The following LRP12 variants were observed in gnomAD, a reference collection of about 807,000 sequenced individuals.
The protein encoded by LRP12 is low-density lipoprotein receptor-related protein 12.
In LRP12, 14 loss-of-function variants were observed where a neutral mutation model predicts 66.0. The observed-to-expected ratio is 0.21, with a 90% CI of 0.14 to 0.33. The LOEUF is 0.33. LRP12 is among the 10% of genes least tolerant of loss of function. The pLI, the probability that LRP12 is intolerant of heterozygous loss-of-function variation, is 1.00. For synonymous variants in LRP12, 357 were observed against 359.1 expected (o/e 0.99, Z 0.07); for missense variants, 889 against 1,053.4 (o/e 0.84, Z 2.16).
intron 5 of LRP12, chr8:104,495,700 A>C (rs1352979802): frequency 1.3e-5 from 2 of 152,552 alleles, no homozygotes; most frequent in Non-Finnish European, 2.9e-5. Context: ...AGGCGGGTGG[A>C]TCACGAGGTC....
chr8:104,508,777 G>A (rs1810945574), intron 3 of LRP12, 162 bp downstream of exon 3: 10 of 584,358 alleles, frequency 1.7e-5, no homozygotes, highest in Non-Finnish European at 2.6e-5. Context: ...CAGATGGGCT[G>A]TTACTCTTAC....
At chr8:104,564,489 T>C (rs1342705586) in intron 1 of LRP12, among the ~76,000 whole-genome samples, 1 of 152,106 alleles carries the variant, frequency 6.6e-6, no homozygotes, top group Non-Finnish European at 1.5e-5. Flanking sequence ...CATTACTTTC[T>C]GAGGAAAGGA....
rs377249949 is a variant in LRP12, at chr8:104,490,923, A to G, written c.2330T>C (p.Ile777Thr). The G allele has an allele frequency of 1.7e-5, 27 of 1,614,018 alleles. No individual in the cohort carries two copies. The highest frequency in any genetic ancestry group is 2.3e-5 in the Non-Finnish European group (27 of 1,180,026). Reference sequence around the variant, plus strand: ...GTCTGAAGATCCATCAGAAATTGGAATTAGCATTTCAACATCATCATCATC... The same window carrying G: ...GTCTGAAGATCCATCAGAAATTGGAGTTAGCATTTCAACATCATCATCATC... Reference protein sequence around the residue: ...REDDDDVEMLIPISDGSSDFD... With the variant: ...REDDDDVEMLTPISDGSSDFD... Residue 777 changes from isoleucine (I) to threonine (T), a missense_variant, in exon 7 of 7, where the codon ATT (isoleucine) becomes ACT (threonine). This residue lies in a region of LRP12 where 800 missense variants were observed against 964.5 expected (regional missense o/e 0.83). Transcript: ENST00000276654.
intron 1 of LRP12, among the ~76,000 whole-genome samples, chr8:104,585,309 T>A (rs188807990): frequency 7.9e-5 from 12 of 152,334 alleles, no homozygotes; most frequent in Admixed American, 7.8e-4. Flanking sequence ...CACTGTAACC[T>A]CCACCTTCCT....
intron 1 of LRP12, among the ~76,000 whole-genome samples, chr8:104,550,684 CCTG>C (rs926485779): frequency 6.6e-6 from 1 of 152,152 alleles, no homozygotes; most frequent in African/African-American, 2.4e-5. Flanking sequence ...TTCCAACCCT[CCTG>C]CTATTTCTTT....
intron 3 of LRP12, among the ~76,000 whole-genome samples, chr8:104,502,236 C>G (rs1810837824): frequency 6.6e-6 from 1 of 152,130 alleles, no homozygotes; most frequent in Non-Finnish European, 1.5e-5. Flanking sequence ...TTAAAAATCT[C>G]AAGGCATTTA....
At chr8:104,552,282 A>G (rs541623045) in intron 1 of LRP12, among the ~76,000 whole-genome samples, 1 of 152,260 alleles carries the variant, frequency 6.6e-6, no homozygotes, top group African/African-American at 2.4e-5. Context: ...GCATTTTTTA[A>G]ATTTACCATT....
At chr8:104,573,763 A>T (rs1812119201) in intron 1 of LRP12, among the ~76,000 whole-genome samples, 1 of 151,960 alleles carries the variant, frequency 6.6e-6, no homozygotes, top group Non-Finnish European at 1.5e-5. Context: ...AAAAGATCGT[A>T]AGTGCATCTA....
At chr8:104,563,977 G>A (rs1368844842) in intron 1 of LRP12, among the ~76,000 whole-genome samples, 1 of 152,180 alleles carries the variant, frequency 6.6e-6, no homozygotes, top group Admixed American at 6.5e-5. Context: ...TAACTACTAT[G>A]TAACTGTTTG....
rs1046323196 is a variant in LRP12, at chr8:104,499,357, G to A, written c.435C>T (p.Asp145=). The stretch of plus-strand genomic sequence containing the variant: ...GTCTGAAACCCTTTCTAGAGATGTT[G>A]TCATCCGAATGAAACCTAATCCAGA... ...DHIWIRFHSD[D]NISRKGFRLA... is the part of the protein sequence containing the mutation. Residue 145 remains aspartate, a synonymous_variant, in exon 4 of 7, where the codon GAC becomes GAT. Coordinates refer to ENST00000276654, the MANE Select transcript of LRP12 (RefSeq NM_013437.5). The A allele has an allele frequency of 3.7e-6, 6 of 1,613,466 alleles. No individual in the cohort carries two copies. The highest frequency in any genetic ancestry group is 2.2e-5 in the East Asian group (1 of 44,848).
intron 1 of LRP12, among the ~76,000 whole-genome samples, chr8:104,547,585 T>C (rs1220099780): frequency 1.7e-5 from 2 of 119,422 alleles, no homozygotes; most frequent in African/African-American, 3.3e-5. Flanking sequence ...TATATATTAA[T>C]ATATAATATA....
chr8:104,573,237 C>T (rs1490193055), intron 1 of LRP12, among the ~76,000 whole-genome samples: 2 of 152,072 alleles, frequency 1.3e-5, no homozygotes, highest in Non-Finnish European at 2.9e-5. Context: ...GCACTGGAGC[C>T]ATATTTTGGT....
chr8:104,550,447 T>C (rs1307572807), intron 1 of LRP12, among the ~76,000 whole-genome samples: 1 of 152,168 alleles, frequency 6.6e-6, no homozygotes, highest in East Asian at 1.9e-4. Context: ...CTTTTAACTT[T>C]CTACTGTACA....
intron 1 of LRP12, among the ~76,000 whole-genome samples, chr8:104,548,438 C>G (rs1564142376): frequency 9.9e-6 from 1 of 100,872 alleles, no homozygotes; most frequent in Non-Finnish European, 1.7e-5. Context: ...ATATATAATT[C>G]TATATTATAT....
rs1284770726 is a variant in LRP12, at chr8:104,585,809, T to A, written c.79+3010A>T. Among the ~76,000 whole-genome samples the A allele has an allele frequency of 2.0e-5, 3 of 152,210 alleles. No individual in the cohort carries two copies. In the East Asian group the frequency reaches 5.8e-4, roughly 29 times the overall value. On this transcript the variant is annotated intron_variant, in intron 1 of 6. Transcript: ENST00000276654. ...CACTAATCTGGGAGACAAACAGAAG[T>A]GGAAAGGATAAAGCAACGGAACTGT... is the stretch of plus-strand genomic sequence containing the variant.
intron 2 of LRP12, among the ~76,000 whole-genome samples, chr8:104,528,255 G>A (rs376168401): frequency 4.9e-4 from 75 of 152,280 alleles, no homozygotes; most frequent in African/African-American, 1.7e-3. Flanking sequence ...AAGAGCAGGG[G>A]AAGAGCAGAA....
At chr8:104,568,655 G>A (rs1812038509) in intron 1 of LRP12, among the ~76,000 whole-genome samples, 1 of 151,860 alleles carries the variant, frequency 6.6e-6, no homozygotes, top group African/African-American at 2.4e-5. Context: ...AAACACAAAA[G>A]GCCAATAAAC....
intron 1 of LRP12, among the ~76,000 whole-genome samples, chr8:104,534,938 C>G (rs1436914925): frequency 6.6e-6 from 1 of 151,474 alleles, no homozygotes; most frequent in African/African-American, 2.4e-5. Flanking sequence ...AATATGAACA[C>G]CCACCACCAA....
chr8:104,520,231 C>T (rs138133348), intron 2 of LRP12, among the ~76,000 whole-genome samples: 10 of 151,988 alleles, frequency 6.6e-5, no homozygotes, highest in African/African-American at 2.4e-4. Flanking sequence ...GAAGATTCAT[C>T]CTTTTATGCC....
Sources: gnomAD v4.1 joint callset for allele counts (sites outside exome capture counted in the v4.1 genomes callset) on GRCh38, gnomAD v4.1.1 for gene constraint, gnomAD v4.1.1 regional missense constraint, MANE v1.5 for transcripts, NCBI Gene and HGNC (gene_info 2026-07-23, HGNC 2026-07-21) for gene names.